Variants in OPCML observed in about 807,000 individuals in gnomAD.
The protein encoded by OPCML is opioid binding protein/cell adhesion molecule like, also known as opioid-binding protein/cell adhesion molecule.
A neutral mutation model predicts 37.8 loss-of-function variants in OPCML; 13 were observed. The ratio of observed to expected loss-of-function variants is 0.34; its 90% CI spans 0.22 to 0.55. The LOEUF (loss-of-function observed/expected upper bound fraction) is 0.55. OPCML is among the 20% of genes least tolerant of loss of function. OPCML has a pLI of 0.91. For synonymous variants in OPCML, 176 were observed against 168.8 expected (o/e 1.04, Z -0.33); for missense variants, 341 against 435.6 (o/e 0.78, Z 1.93).
intron 2 of OPCML, among the ~76,000 whole-genome samples, chr11:132,798,799 G>A (rs770758100): frequency 1.3e-5 from 2 of 152,208 alleles, no homozygotes; most frequent in Non-Finnish European, 2.9e-5. Context: ...CAGAATGGGT[G>A]TTTTGTTAAC....
intron 1 of OPCML, among the ~76,000 whole-genome samples, chr11:133,313,708 G>A (rs1943120196): frequency 6.6e-6 from 1 of 152,084 alleles, no homozygotes; most frequent in African/African-American, 2.4e-5. Context: ...GAAAAGACAA[G>A]GAAATGGATC....
chr11:133,004,672 C>T, intron 1 of OPCML: 3 of 985,452 alleles, frequency 3.0e-6, no homozygotes, highest in Non-Finnish European at 3.6e-6. Flanking sequence ...AGGGACCATG[C>T]CCTCGCTCTC....
chr11:132,994,449 C>A (rs1506880), intron 1 of OPCML, among the ~76,000 whole-genome samples: 2 of 151,958 alleles, frequency 1.3e-5, no homozygotes, highest in African/African-American at 2.4e-5. Context: ...GGGGGCTCGC[C>A]GTGCAGGCGC....
chr11:133,465,448 C>T (rs1021818752), intron 1 of OPCML, among the ~76,000 whole-genome samples: 12 of 152,180 alleles, frequency 7.9e-5, no homozygotes, highest in Non-Finnish European at 1.5e-4. Context: ...TTCTGTCTAT[C>T]ACTATGTGTG....
At chr11:133,078,738 T>G (rs1948661734) in intron 1 of OPCML, among the ~76,000 whole-genome samples, 1 of 152,140 alleles carries the variant, frequency 6.6e-6, no homozygotes, top group African/African-American at 2.4e-5. Context: ...AGAGCGGCAC[T>G]GGCTCCGATC....
chr11:133,400,132 C>T (rs945497474), intron 1 of OPCML, among the ~76,000 whole-genome samples: 2 of 152,128 alleles, frequency 1.3e-5, no homozygotes, highest in Admixed American at 1.3e-4. Flanking sequence ...TTCAGCTTTT[C>T]CGACCCAGAA....
intron 2 of OPCML, among the ~76,000 whole-genome samples, chr11:132,795,614 T>A (rs1024611567): frequency 7.2e-5 from 11 of 152,224 alleles, no homozygotes; most frequent in Non-Finnish European, 1.5e-4. Flanking sequence ...ACTGTCTGTG[T>A]CTATAGATTT....
rs572503666 is a variant in OPCML at position 133,224,182 on chromosome 11, G to A, written c.62-281172C>T. 1.2e-4 allele frequency among the ~76,000 whole-genome samples: 18 copies of A among 152,294 alleles called. No individual in the cohort carries two copies. The South Asian group carries it at 3.1e-3, about 26-fold the overall frequency. ...AAGGAGCACTTTGCCATTAGTCCCCGAGCCAAAAGTGGCCGGTGGTGGTTT... is the reference window on the plus strand; with the variant it reads ...AAGGAGCACTTTGCCATTAGTCCCCAAGCCAAAAGTGGCCGGTGGTGGTTT... On this transcript the variant is annotated intron_variant, in intron 1 of 7. Coordinates refer to ENST00000524381, the MANE Select transcript of OPCML (RefSeq NM_001012393.5).
At chr11:133,489,852 AT>A (rs10562716) in intron 1 of OPCML, among the ~76,000 whole-genome samples, 51 of 142,092 alleles carry the variant, frequency 3.6e-4, no homozygotes, top group East Asian at 1.4e-3. Context: ...ATATATATAT[AT>A]TTTTTTATAC....
chr11:132,965,278 G>A (rs765656263), intron 1 of OPCML, among the ~76,000 whole-genome samples: 1 of 152,250 alleles, frequency 6.6e-6, no homozygotes, highest in Non-Finnish European at 1.5e-5. Context: ...AGGTGGAAAA[G>A]AGCTTGTAAA....
intron 1 of OPCML, chr11:133,003,709 A>C: frequency 2.0e-6 from 2 of 985,360 alleles, no homozygotes; most frequent in Non-Finnish European, 2.4e-6. Flanking sequence ...AATGAATTAA[A>C]GTCCCTACTT....
rs920000213 is a variant in OPCML at position 133,211,634 on chromosome 11, A to T, written c.62-268624T>A. 6.6e-6 allele frequency among the ~76,000 whole-genome samples: 1 copy of T among 152,204 alleles called. No homozygotes were observed. The highest frequency in any genetic ancestry group is 1.5e-5 in the Non-Finnish European group (1 of 68,036). On this transcript the variant is annotated intron_variant, in intron 1 of 7. Transcript: ENST00000524381. The surrounding 1 kb of genome is among the most constrained non-coding windows in gnomAD (Gnocchi z 4.1). The stretch of plus-strand genomic sequence containing the variant: ...CTGAGGTACCCAGAGGCCCTTCCCT[A>T]ATAGCTGGAATTGTATATCTTGTAC...
At chr11:133,026,575 A>T in intron 1 of OPCML, 1 of 985,182 alleles carries the variant, frequency 1.0e-6, no homozygotes, top group Non-Finnish European at 1.2e-6. Context: ...GGTCTAGGTG[A>T]AACTGTGATT....
intron 1 of OPCML, chr11:133,009,375 T>G (rs1397058803): frequency 3.2e-6 from 1 of 310,380 alleles, no homozygotes; most frequent in African/African-American, 2.3e-5. Flanking sequence ...CAAGTTAATA[T>G]TTCCAGGAAC....
intron 1 of OPCML, chr11:133,302,719 C>G (rs545332599): frequency 6.6e-6 from 1 of 152,122 alleles, no homozygotes; most frequent in East Asian, 1.9e-4. Flanking sequence ...TTTCTGAAAC[C>G]TCATATATCT....
At chr11:133,160,148 T>C (rs893305053) in intron 1 of OPCML, among the ~76,000 whole-genome samples, 3 of 152,262 alleles carry the variant, frequency 2.0e-5, no homozygotes, top group Non-Finnish European at 2.9e-5. Flanking sequence ...GGAACTTTAA[T>C]GTGCAATGTG....
chr11:132,502,544 A>T (rs2096247822), intron 4 of OPCML, among the ~76,000 whole-genome samples: 1 of 152,154 alleles, frequency 6.6e-6, no homozygotes, highest in Non-Finnish European at 1.5e-5. Flanking sequence ...AGGCTGACAG[A>T]ATGGGGCCAC....
At chr11:133,210,444 C>T (rs1212781313) in intron 1 of OPCML, among the ~76,000 whole-genome samples, 1 of 152,126 alleles carries the variant, frequency 6.6e-6, no homozygotes, top group Non-Finnish European at 1.5e-5. Flanking sequence ...AATTCAGATC[C>T]CTTTTTCTGG....
chr11:132,839,729 T>C (rs1203732825), intron 2 of OPCML, among the ~76,000 whole-genome samples: 4 of 152,336 alleles, frequency 2.6e-5, no homozygotes, highest in South Asian at 4.1e-4. Flanking sequence ...TGCTGCAACA[T>C]TGCTATTCTT....
Sources: gnomAD v4.1 joint callset for allele counts (sites outside exome capture counted in the v4.1 genomes callset) on GRCh38, gnomAD v4.1.1 for gene constraint, Gnocchi (gnomAD v3.1) non-coding constraint, MANE v1.5 for transcripts, NCBI Gene and HGNC (gene_info 2026-07-23, HGNC 2026-07-21) for gene names.